The following DNAJA2 variants were observed in gnomAD, a reference collection of about 807,000 sequenced individuals.
The protein encoded by DNAJA2 is dnaJ homolog subfamily A member 2.
Under a neutral mutation model 49.3 loss-of-function variants are expected in DNAJA2, and 6 were observed. The observed-to-expected ratio is 0.12, with a 90% CI of 0.07 to 0.24. DNAJA2 has a LOEUF of 0.24. Among genes scored for constraint, DNAJA2 ranks in the 10% least tolerant of loss-of-function variants. The pLI, the probability that DNAJA2 is intolerant of heterozygous loss-of-function variation, is 1.00. For missense variants in DNAJA2, 347 were observed against 516.8 expected, an observed-to-expected ratio of 0.67 and a Z score of 3.19; for synonymous variants, 160 against 172.7, an observed-to-expected ratio of 0.93 and a Z score of 0.58.
At chr16:46,971,661 T>TGAAAA in intron 2 of DNAJA2, 89 bp from the exon 3 acceptor site, 1 of 465,862 alleles carries the variant, frequency 2.1e-6, no homozygotes, top group Non-Finnish European at 3.6e-6. Context: ...CATTTAATTC[T>TGAAAA]AAAAAAAAAA....
intron 3 of DNAJA2, among the ~76,000 whole-genome samples, chr16:46,968,578 C>G (rs959124760): frequency 1.3e-5 from 2 of 152,178 alleles, no homozygotes; most frequent in African/African-American, 4.8e-5. Flanking sequence ...ACAGAACAGT[C>G]AAGTAACTTG....
intron 5 of DNAJA2, among the ~76,000 whole-genome samples, chr16:46,966,592 G>A (rs978827199): frequency 6.6e-6 from 1 of 152,100 alleles, no homozygotes; most frequent in Admixed American, 6.5e-5. Flanking sequence ...GGAGCTATGT[G>A]TTTTTATAAT....
At chr16:46,968,048 A>G (rs1961998174) in intron 4 of DNAJA2, 36 bp downstream of exon 4, 1 of 1,523,902 alleles carries the variant, frequency 6.6e-7, no homozygotes, top group Admixed American at 2.2e-5. Flanking sequence ...AAAAGAACAG[A>G]CAAAATGTAC....
chr16:46,971,141 A>G lies in DNAJA2; in HGVS notation c.362+208T>C, dbSNP rs2233777. On this transcript the variant is annotated intron_variant, in intron 3 of 8. Coordinates refer to ENST00000317089, the MANE Select transcript of DNAJA2 (RefSeq NM_005880.4). Reference sequence around the variant, plus strand: ...CATATAAAACCACCTTCCTCTCATTAAAAAATATCGACTGTCCTTTTAAGA... The same window carrying G: ...CATATAAAACCACCTTCCTCTCATTGAAAAATATCGACTGTCCTTTTAAGA... 3.6e-3 allele frequency among the ~76,000 whole-genome samples: 553 copies of G among 152,310 alleles called. 7 individuals carry two copies. The highest frequency in any genetic ancestry group is 0.026 in the East Asian group (137 of 5,182).
intron 6 of DNAJA2, 97 bp downstream of exon 6, chr16:46,964,514 T>G: frequency 8.3e-7 from 1 of 1,198,796 alleles, no homozygotes; most frequent in Non-Finnish European, 1.2e-6. Context: ...TGTTCAGTGT[T>G]GCTCCAGGGA....
In DNAJA2 at chr16:46,956,950, A is replaced by G. The variant is rs967072497; in HGVS notation, c.*79T>C. On this transcript the variant is annotated 3_prime_UTR_variant, in exon 9 of 9. Transcript: ENST00000317089. ...GTCCCTCAGTTCATCTGGATTGATA[A>G]GACACTCCAGCTGGATTGCTGAGAA... The G allele has an allele frequency of 4.0e-6, 6 of 1,492,126 alleles. No individual in the cohort carries two copies. The highest frequency in any genetic ancestry group is 1.4e-5 in the African/African-American group (1 of 72,574). The allele number at this position is 1,492,126 out of a possible 1,614,324, so 92.4% of individuals were successfully genotyped here. A position where few individuals can be genotyped will look rare whatever the true frequency, so the allele number is the denominator to read the frequency against.
At position 46,957,142 on chromosome 16, in the gene DNAJA2, A is replaced by T; in HGVS notation, c.1126T>A (p.Phe376Ile). 1 of 1,614,210 alleles carries T rather than the reference A, an allele frequency of 6.2e-7. No individual in the cohort carries two copies. Among genetic ancestry groups the T allele is most frequent in the Non-Finnish European group, 8.5e-7 (1 of 1,180,028 alleles). ...CCTCCTGAGCCTCGAGTGCTATCAAATTCCTGAAGCTCTACCTCCTCTGTT... is the reference window on the plus strand; with the variant it reads ...CCTCCTGAGCCTCGAGTGCTATCAATTTCCTGAAGCTCTACCTCCTCTGTT... ...GETEEVELQE[F>I]DSTRGSGGGQ... The change falls in exon 9 of 9, where the codon TTT becomes ATT. Residue 376 changes from phenylalanine to isoleucine, a missense_variant. Coordinates refer to ENST00000317089, the MANE Select transcript of DNAJA2 (RefSeq NM_005880.4).
intron 2 of DNAJA2, 67 bp from the exon 3 acceptor site, chr16:46,971,639 G>C (rs540576097): frequency 4.7e-4 from 285 of 608,716 alleles, no homozygotes; most frequent in Non-Finnish European, 7.1e-4. Flanking sequence ...GAAGCTACAG[G>C]AATCCAGAAT....
chr16:46,964,657 A>C lies in DNAJA2; in HGVS notation c.728T>G (p.Val243Gly). 2 of 1,613,390 alleles carry C rather than the reference A, an allele frequency of 1.2e-6. No homozygotes were observed. Among genetic ancestry groups the C allele is most frequent in the Non-Finnish European group, 1.7e-6 (2 of 1,179,870 alleles). Residue 243 changes from valine to glycine, a missense_variant, in exon 6 of 9, where the codon GTG (valine) becomes GGG (glycine). By Grantham distance (109) the Val-to-Gly change is moderately radical. Coordinates refer to ENST00000317089, the MANE Select transcript of DNAJA2 (RefSeq NM_005880.4). Reference protein sequence around the residue: ...FTGEADQAPGVEPGDIVLLLQ... With the variant: ...FTGEADQAPGGEPGDIVLLLQ... Reference sequence around the variant, plus strand: ...CAAAAGAACAATGTCTCCGGGTTCCACTCCTGGGGCCTGGTCTGCTTCCCC... The same window carrying C: ...CAAAAGAACAATGTCTCCGGGTTCCCCTCCTGGGGCCTGGTCTGCTTCCCC...
chr16:46,966,464 T>C (rs558310290), intron 5 of DNAJA2, among the ~76,000 whole-genome samples: 2 of 152,226 alleles, frequency 1.3e-5, no homozygotes, highest in Non-Finnish European at 2.9e-5. Flanking sequence ...ATGTGAAATA[T>C]GCAGTAGTCA....
chr16:46,957,542 G>T (rs1961832946), intron 8 of DNAJA2, among the ~76,000 whole-genome samples: 1 of 151,866 alleles, frequency 6.6e-6, no homozygotes, highest in Admixed American at 6.6e-5. Context: ...GGTGGAAGTT[G>T]CAGTAAGCTG....
intron 6 of DNAJA2, among the ~76,000 whole-genome samples, chr16:46,962,491 A>T (rs1422824265): frequency 6.6e-6 from 1 of 152,156 alleles, no homozygotes; most frequent in Non-Finnish European, 1.5e-5. Flanking sequence ...CAAGGATTCT[A>T]TCAATGAAAA....
intron 3 of DNAJA2, among the ~76,000 whole-genome samples, chr16:46,971,063 AT>A (rs1962040063): frequency 6.6e-6 from 1 of 152,026 alleles, no homozygotes. Context: ...GAGAGAGAAA[AT>A]GATCTTCACA....
In DNAJA2 at chr16:46,955,957, TA is replaced by T. The variant is rs1479536853; in HGVS notation, c.*1071del. On this transcript the variant is annotated 3_prime_UTR_variant, in exon 9 of 9. Transcript: ENST00000317089. ...TCTGAATAAGCATCTTACTTTTCTA[TA>T]AAACATTACAGAAACTCAAAATAAT... The T allele has an allele frequency of 6.6e-6, 1 of 152,250 alleles. No homozygotes were observed. Among genetic ancestry groups the T allele is most frequent in the Non-Finnish European group, 1.5e-5 (1 of 68,042 alleles). The allele number at this position is 152,250 out of a possible 1,614,324, so 9.4% of individuals were successfully genotyped here.
chr16:46,959,784 G>A (rs1165373175), intron 6 of DNAJA2, among the ~76,000 whole-genome samples: 1 of 152,208 alleles, frequency 6.6e-6, no homozygotes, highest in African/African-American at 2.4e-5. Context: ...GCTCACCCTG[G>A]AGTGCTCCCC....
chr16:46,964,311 G>T (rs1471437985), intron 6 of DNAJA2, among the ~76,000 whole-genome samples: 1 of 152,204 alleles, frequency 6.6e-6, no homozygotes. Flanking sequence ...GGCAGAGGTT[G>T]TAGTGAGCCG....
At chr16:46,973,453 G>T in intron 1 of DNAJA2, 42 bp downstream of exon 1, 1 of 1,556,564 alleles carries the variant, frequency 6.4e-7, no homozygotes. Context: ...TGGCCGCGCA[G>T]GCCCCGCGCC....
At chr16:46,971,834 CAAG>C in intron 2 of DNAJA2, 59 bp downstream of exon 2, 1 of 1,394,028 alleles carries the variant, frequency 7.2e-7, no homozygotes, top group Non-Finnish European at 1.0e-6. Context: ...TCCTCTTTTT[CAAG>C]GAGGGCAATT....
chr16:46,955,797 G>A lies in DNAJA2; in HGVS notation c.*1232C>T, dbSNP rs1961799763. ...AGTGAAATGGTAAAAACCAGATGAT[G>A]GAAAGAGAAACACAACATCCGTTTC... On this transcript the variant is annotated 3_prime_UTR_variant, in exon 9 of 9. Transcript: ENST00000317089. 1 of 152,054 alleles carries A rather than the reference G, an allele frequency of 6.6e-6. No homozygotes were observed. The allele number at this position is 152,054 out of a possible 1,614,324, so 9.4% of individuals were successfully genotyped here.
Sources: allele counts gnomAD v4.1 joint callset (sites outside exome capture counted in the v4.1 genomes callset), GRCh38; gene constraint gnomAD v4.1.1; transcripts MANE v1.5; gene names NCBI Gene and HGNC (gene_info 2026-07-23, HGNC 2026-07-21).